The following NELL1 variants were observed in gnomAD, a reference collection of about 807,000 sequenced individuals.
NELL1 encodes neural EGFL like 1, also known as protein kinase C-binding protein NELL1.
In NELL1, 76 loss-of-function variants were observed where a neutral mutation model predicts 107.4. That is an observed-to-expected ratio of 0.71 (90% CI 0.59 to 0.86). NELL1 has a LOEUF of 0.86. NELL1 is among the 40% of genes least tolerant of loss of function. NELL1 has a pLI of 0.00. For missense variants in NELL1, 1,024 were observed against 1,005.5 expected (o/e 1.02, Z -0.25); for synonymous variants, 353 against 341.2 (o/e 1.03, Z -0.38).
At chr11:21,458,605 A>G (rs7115839) in intron 15 of NELL1, among the ~76,000 whole-genome samples, 48,832 of 152,052 alleles carry the variant, frequency 0.32, 8,325 homozygotes, top group South Asian at 0.44. Context: ...GAGTGAAAAA[A>G]TGAGAAACAA....
chr11:21,513,929 C>T (rs574860210), intron 15 of NELL1, among the ~76,000 whole-genome samples: 2 of 152,280 alleles, frequency 1.3e-5, no homozygotes, highest in Admixed American at 6.5e-5. Flanking sequence ...GACACCCACC[C>T]CTGCCTGGGA....
chr11:21,035,545 T>C (rs985619220), intron 12 of NELL1, among the ~76,000 whole-genome samples: 4 of 151,202 alleles, frequency 2.6e-5, no homozygotes, highest in Non-Finnish European at 4.4e-5. Flanking sequence ...CACGATCAAG[T>C]AGGCTTTTTC....
At chr11:21,353,005 A>T (rs1426925989) in intron 14 of NELL1, among the ~76,000 whole-genome samples, 1 of 152,144 alleles carries the variant, frequency 6.6e-6, no homozygotes, top group East Asian at 1.9e-4. Context: ...GAAGCACTTT[A>T]AAGATCTCAA....
At chr11:20,802,906 TG>T (rs1857307832) in intron 3 of NELL1, among the ~76,000 whole-genome samples, 1 of 152,222 alleles carries the variant, frequency 6.6e-6, no homozygotes, top group African/African-American at 2.4e-5. Flanking sequence ...TGTGCATACT[TG>T]GGATAAATTT....
At chr11:21,545,105 G>C (rs963472491) in intron 16 of NELL1, among the ~76,000 whole-genome samples, 1 of 151,998 alleles carries the variant, frequency 6.6e-6, no homozygotes, top group African/African-American at 2.4e-5. Flanking sequence ...GGTATAGCTG[G>C]TTGGTCCCTA....
intron 3 of NELL1, among the ~76,000 whole-genome samples, chr11:20,799,013 A>C (rs1857229175): frequency 2.4e-5 from 1 of 40,992 alleles, no homozygotes; most frequent in African/African-American, 4.0e-5. Context: ...ACGTCATGGA[A>C]GAAAATAAAA....
chr11:21,157,822 A>C (rs1243423236), intron 13 of NELL1, among the ~76,000 whole-genome samples: 1 of 152,208 alleles, frequency 6.6e-6, no homozygotes, highest in Non-Finnish European at 1.5e-5. Flanking sequence ...ACACTAGTCT[A>C]ACCATACAGC....
chr11:21,087,495 ATAT>A (rs1252429244), intron 12 of NELL1, among the ~76,000 whole-genome samples: 1 of 152,196 alleles, frequency 6.6e-6, no homozygotes, highest in Admixed American at 6.5e-5. Context: ...ATACTGACAA[ATAT>A]TATTATATGT....
chr11:21,516,354 A>T lies in NELL1; in HGVS notation c.1646-18020A>T, dbSNP rs114827104. 6.4e-3 allele frequency among the ~76,000 whole-genome samples: 979 copies of T among 152,292 alleles called. 12 individuals carry two copies. The highest frequency in any genetic ancestry group is 0.022 in the African/African-American group (925 of 41,560). ...TCTAGCAGAATATTTGAGTGGGCAT[A>T]TGTTAGGTGATAGATGCCTGTACAC... On this transcript the variant is annotated intron_variant, in intron 15 of 19. Coordinates refer to ENST00000357134, the MANE Select transcript of NELL1 (RefSeq NM_006157.5).
At position 21,534,502 on chromosome 11, in the gene NELL1, G is replaced by C. The variant is rs771050608; in HGVS notation, c.1774G>C (p.Glu592Gln). ...HDDGTYSLSG[E>Q]SCIDIDECAL... ...CGATGGGACCTATTCACTGTCCGGG[G>C]AGTCCTGTATTGGTAAGCAGCTTTC... The change falls in exon 16 of 20, where the codon GAG (glutamate) becomes CAG (glutamine). Residue 592 changes from glutamate (E) to glutamine (Q), a missense_variant. Transcript: ENST00000357134. The C allele has an allele frequency of 1.2e-6, 2 of 1,613,614 alleles. No individual in the cohort carries two copies. The highest frequency in any genetic ancestry group is 2.7e-5 in the African/African-American group (2 of 74,880).
intron 13 of NELL1, among the ~76,000 whole-genome samples, chr11:21,198,049 C>A (rs993868416): frequency 1.3e-5 from 2 of 152,322 alleles, no homozygotes; most frequent in South Asian, 4.1e-4. Context: ...GGGAAAACTT[C>A]AAGTGCTGAG....
chr11:20,908,838 A>C (rs1594254), intron 5 of NELL1, among the ~76,000 whole-genome samples: 1 of 152,132 alleles, frequency 6.6e-6, no homozygotes, highest in Non-Finnish European at 1.5e-5. Flanking sequence ...TTATAGGTAA[A>C]AGAATTGAAA....
At position 20,853,893 on chromosome 11, in the gene NELL1, G is replaced by A. The variant is rs114259721; in HGVS notation, c.506+6140G>A. ...AGAATCACTTTAAAAATTTGTAACTGAGGCAGAGTGGGGAAGGAAACACCT... is the reference window on the plus strand; with the variant it reads ...AGAATCACTTTAAAAATTTGTAACTAAGGCAGAGTGGGGAAGGAAACACCT... On this transcript the variant is annotated intron_variant, in intron 4 of 19. Coordinates refer to ENST00000357134, the MANE Select transcript of NELL1 (RefSeq NM_006157.5). 3.5e-3 allele frequency among the ~76,000 whole-genome samples: 527 copies of A among 152,196 alleles called. 4 individuals are homozygous for A. The highest frequency in any genetic ancestry group is 0.012 in the African/African-American group (479 of 41,522).
At chr11:21,568,453 ATT>A (rs919419552) in intron 17 of NELL1, among the ~76,000 whole-genome samples, 1 of 151,404 alleles carries the variant, frequency 6.6e-6, no homozygotes, top group African/African-American at 2.4e-5. Flanking sequence ...TTTGAAAAAG[ATT>A]TTTTTTCTTC....
chr11:21,244,331 G>T (rs1858437535), intron 14 of NELL1, among the ~76,000 whole-genome samples: 1 of 152,090 alleles, frequency 6.6e-6, no homozygotes, highest in African/African-American at 2.4e-5. Flanking sequence ...ATAGTGACAT[G>T]CTCTGCAGGC....
chr11:21,304,232 A>C (rs987673993), intron 14 of NELL1, among the ~76,000 whole-genome samples: 1 of 152,068 alleles, frequency 6.6e-6, no homozygotes, highest in African/African-American at 2.4e-5. Context: ...TTTAACATGT[A>C]CTTAGACTAT....
chr11:20,860,177 G>C (rs910089998), intron 4 of NELL1, among the ~76,000 whole-genome samples: 1 of 151,994 alleles, frequency 6.6e-6, no homozygotes, highest in African/African-American at 2.4e-5. Flanking sequence ...TTAATTTTCA[G>C]GCTAAAAGAA....
rs769149811 is a variant in NELL1 at position 20,947,446 on chromosome 11, TTGG to T, written c.1171+18_1171+20del. On this transcript the variant is annotated intron_variant, in intron 11 of 19. Coordinates refer to ENST00000357134, the MANE Select transcript of NELL1 (RefSeq NM_006157.5). The stretch of plus-strand genomic sequence containing the variant: ...GCCGTGTCTGTAGAGGTAAGTGGGC[TTGG>T]TGGTGGGCCATGCGTGGGGTGAGGC... The T allele has an allele frequency of 2.5e-6, 4 of 1,608,028 alleles. No individual in the cohort carries two copies. In the African/African-American group the frequency reaches 5.4e-5, roughly 22 times the overall value.
chr11:21,306,009 C>A (rs916245567), intron 14 of NELL1, among the ~76,000 whole-genome samples: 16 of 151,850 alleles, frequency 1.1e-4, no homozygotes, highest in African/African-American at 3.9e-4. Flanking sequence ...ATTCTGTATG[C>A]CAATTTGGTT....
Sources: gnomAD v4.1 joint callset for allele counts (sites outside exome capture counted in the v4.1 genomes callset) on GRCh38, gnomAD v4.1.1 for gene constraint, MANE v1.5 for transcripts, NCBI Gene and HGNC (gene_info 2026-07-23, HGNC 2026-07-21) for gene names.